The following TMEM116 variants were observed in gnomAD, a reference collection of about 807,000 sequenced individuals.
TMEM116 encodes transmembrane protein 116.
In TMEM116, 38 loss-of-function variants were observed where a neutral mutation model predicts 44.3. The observed-to-expected ratio is 0.86, with a 90% CI of 0.66 to 1.12. The LOEUF is 1.12. TMEM116 is among the 50% of genes most tolerant of loss of function. TMEM116 has a pLI of 0.00. For missense variants in TMEM116, 354 were observed against 401.7 expected (o/e 0.88, Z 1.01); for synonymous variants, 132 against 144.8 (o/e 0.91, Z 0.64).
intron 3 of TMEM116, among the ~76,000 whole-genome samples, chr12:111,995,053 A>G (rs532954079): frequency 3.3e-5 from 5 of 152,170 alleles, no homozygotes; most frequent in Non-Finnish European, 5.9e-5. Flanking sequence ...TGCAGGGAGA[A>G]GCACATCACG....
At chr12:111,994,518 C>T (rs528704674) in intron 3 of TMEM116, among the ~76,000 whole-genome samples, 21 of 151,880 alleles carry the variant, frequency 1.4e-4, no homozygotes, top group African/African-American at 4.8e-4. Context: ...TTAGTGAGGG[C>T]GGGGGTAGGT....
chr12:111,934,162 A>G, intron 8 of TMEM116, 132 bp from the exon 9 acceptor site: 16 of 1,091,818 alleles, frequency 1.5e-5, no homozygotes, highest in Non-Finnish European at 1.8e-5. Flanking sequence ...TCTTGTCTTT[A>G]CTTTCTGAGA....
intron 4 of TMEM116, among the ~76,000 whole-genome samples, chr12:111,967,675 CA>C (rs1356691103): frequency 2.0e-5 from 3 of 151,918 alleles, no homozygotes; most frequent in Admixed American, 2.0e-4. Context: ...AGTAATGACA[CA>C]ATGATACAAG....
At chr12:112,001,483 G>A (rs57439171) in intron 3 of TMEM116, among the ~76,000 whole-genome samples, 21,632 of 152,100 alleles carry the variant, frequency 0.14, 1,927 homozygotes, top group African/African-American at 0.25. Context: ...GGACCATTTG[G>A]CATTGTTTGA....
chr12:111,991,888 A>C lies in TMEM116; in HGVS notation c.80T>G (p.Ile27Arg). The C allele has an allele frequency of 6.5e-7, 1 of 1,534,880 alleles. No homozygotes were observed. The highest frequency in any genetic ancestry group is 8.7e-7 in the Non-Finnish European group (1 of 1,145,834). ...VFHNIQKSPE[I>R]RPLFYLSFCD... ...GAAGCTCAGATAAAAAAGTGGTCTT[A>C]TCTGTCAAAGTAATAAAATCCTCAT... The change falls in exon 4 of 11, where the codon ATA (isoleucine) becomes AGA (arginine). Residue 27 changes from isoleucine (I) to arginine (R), a missense_variant and splice_region_variant. By Grantham distance (97) the Ile-to-Arg change is moderately conservative. Coordinates refer to ENST00000552374, the MANE Select transcript of TMEM116 (RefSeq NM_001193531.2).
At chr12:111,932,745 G>GA in intron 9 of TMEM116, 86 bp from the exon 10 acceptor site, 2 of 1,054,460 alleles carry the variant, frequency 1.9e-6, no homozygotes, top group Non-Finnish European at 1.5e-6. Flanking sequence ...AGCATTATCA[G>GA]AATGGAAACA....
At chr12:111,972,813 T>C (rs1337171591) in intron 4 of TMEM116, among the ~76,000 whole-genome samples, 1 of 145,808 alleles carries the variant, frequency 6.9e-6, no homozygotes, top group East Asian at 2.0e-4. Flanking sequence ...GAGGAGGAGG[T>C]TGCAGTGAGC....
chr12:111,950,533 C>A (rs1177335862), intron 4 of TMEM116, among the ~76,000 whole-genome samples: 1 of 151,186 alleles, frequency 6.6e-6, no homozygotes, highest in East Asian at 1.9e-4. Flanking sequence ...GGCTGCACAT[C>A]TACAACTATC....
chr12:111,978,089 G>A (rs1483802227), intron 4 of TMEM116, among the ~76,000 whole-genome samples: 2 of 149,870 alleles, frequency 1.3e-5, no homozygotes, highest in African/African-American at 4.9e-5. Context: ...CATAGTGACT[G>A]TTAGAGTAGA....
intron 5 of TMEM116, among the ~76,000 whole-genome samples, chr12:111,940,313 C>CAT (rs1207021530): frequency 3.3e-5 from 5 of 149,680 alleles, no homozygotes; most frequent in South Asian, 2.1e-4. Context: ...TTCCCTTCTT[C>CAT]ATATATATAT....
chr12:111,934,157 T>C, intron 8 of TMEM116, 127 bp from the exon 9 acceptor site: 1 of 1,124,818 alleles, frequency 8.9e-7, no homozygotes, highest in Non-Finnish European at 1.2e-6. Context: ...CATTCTCTTG[T>C]CTTTACTTTC....
At chr12:112,003,727 G>GT in intron 3 of TMEM116, 73 bp downstream of exon 3, 1 of 1,470,814 alleles carries the variant, frequency 6.8e-7, no homozygotes. Context: ...CCACTTACAG[G>GT]TAACATCTGT....
At chr12:111,943,158 A>G (rs1445665422) in intron 5 of TMEM116, 107 bp downstream of exon 5, 9 of 861,760 alleles carry the variant, frequency 1.0e-5, no homozygotes, top group Non-Finnish European at 1.5e-5. Flanking sequence ...TCCTGGGCAT[A>G]AGCAATCTGC....
chr12:111,969,448 G>A (rs1037316694), intron 4 of TMEM116, among the ~76,000 whole-genome samples: 4 of 151,312 alleles, frequency 2.6e-5, no homozygotes, highest in South Asian at 2.1e-4. Flanking sequence ...AGGCTGGAGC[G>A]CAGTGGAGCG....
At chr12:111,950,541 A>G (rs1565888712) in intron 4 of TMEM116, among the ~76,000 whole-genome samples, 2 of 152,106 alleles carry the variant, frequency 1.3e-5, no homozygotes, top group Non-Finnish European at 2.9e-5. Flanking sequence ...ATCTACAACT[A>G]TCTGATCTTC....
chr12:111,970,593 T>G (rs993981307), intron 4 of TMEM116, among the ~76,000 whole-genome samples: 3 of 150,810 alleles, frequency 2.0e-5, no homozygotes, highest in Admixed American at 1.3e-4. Context: ...TGGGTTTTTT[T>G]TTTTTTTTTT....
At chr12:111,980,060 A>G (rs1437102572) in intron 4 of TMEM116, among the ~76,000 whole-genome samples, 1 of 152,210 alleles carries the variant, frequency 6.6e-6, no homozygotes, top group Non-Finnish European at 1.5e-5. Flanking sequence ...TATATAATCC[A>G]GCAATCATCC....
intron 5 of TMEM116, among the ~76,000 whole-genome samples, chr12:111,940,796 T>C (rs1370082654): frequency 6.6e-6 from 1 of 152,040 alleles, no homozygotes; most frequent in Admixed American, 6.6e-5. Context: ...TCTCCATTCT[T>C]GGCTTCTGGT....
chr12:111,931,832 A>T lies in TMEM116; in HGVS notation c.808-5T>A. ...CTGAGATGTTGCCGTTAGAGCCTGG[A>T]GGAGATGAAGGGGTGATGCAGCCCA... is the stretch of plus-strand genomic sequence containing the variant. On this transcript the variant is annotated splice_region_variant and splice_polypyrimidine_tract_variant and intron_variant, in intron 10 of 10. Coordinates refer to ENST00000552374, the MANE Select transcript of TMEM116 (RefSeq NM_001193531.2). The T allele has an allele frequency of 6.7e-7, 1 of 1,501,304 alleles. No individual in the cohort carries two copies. The highest frequency in any genetic ancestry group is 8.9e-7 in the Non-Finnish European group (1 of 1,128,448). 93.0% of individuals were successfully genotyped at this position (1,501,304 alleles called of 1,614,324 possible). A position where few individuals can be genotyped will look rare whatever the true frequency, so the allele number is the denominator to read the frequency against.
Sources: allele counts gnomAD v4.1 joint callset (sites outside exome capture counted in the v4.1 genomes callset), GRCh38; gene constraint gnomAD v4.1.1; transcripts MANE v1.5; gene names NCBI Gene and HGNC (gene_info 2026-07-23, HGNC 2026-07-21).